SLK: variants seen among roughly 807,000 people sequenced by gnomAD.
SLK encodes STE20-like serine/threonine-protein kinase.
In SLK, 67 loss-of-function variants were observed where a neutral mutation model predicts 147.7. The ratio of observed to expected loss-of-function variants is 0.45; its 90% CI spans 0.37 to 0.56. The LOEUF is 0.56. Ranked by LOEUF, SLK falls within the 20% of genes least tolerant of loss-of-function variation. SLK has a pLI of 0.00. For missense variants in SLK, 1,136 were observed against 1,438.8 expected (o/e 0.79, Z 3.41); for synonymous variants, 441 against 475.0 (o/e 0.93, Z 0.93).
chr10:104,014,081 C>T (rs1036597273), intron 13 of SLK, among the ~76,000 whole-genome samples: 2 of 152,124 alleles, frequency 1.3e-5, no homozygotes, highest in African/African-American at 4.8e-5. Flanking sequence ...TCATGTTTCT[C>T]AAGAAAATAA....
At position 103,967,672 on chromosome 10, in the gene SLK, G is replaced by C; in HGVS notation, c.-74G>C. Reference sequence around the variant, plus strand: ...CGCCGCCAGCCGGGCTCGCGCGGGAGAGCAGGGAAGAGAAACTTTGCCTTT... The same window carrying C: ...CGCCGCCAGCCGGGCTCGCGCGGGACAGCAGGGAAGAGAAACTTTGCCTTT... On this transcript the variant is annotated 5_prime_UTR_variant, in exon 1 of 19. Coordinates refer to ENST00000369755, the MANE Select transcript of SLK (RefSeq NM_014720.4). 1.4e-6 allele frequency: 2 copies of C among 1,436,496 alleles called. No homozygotes were observed. The highest frequency in any genetic ancestry group is 2.6e-5 in the South Asian group (2 of 75,770). The allele number at this position is 1,436,496 out of a possible 1,614,324, so 89.0% of individuals were successfully genotyped here.
intron 2 of SLK, among the ~76,000 whole-genome samples, chr10:103,991,349 T>C (rs1844090658): frequency 6.6e-6 from 1 of 152,222 alleles, no homozygotes; most frequent in East Asian, 1.9e-4. Context: ...TCAGAAAATA[T>C]TAAGGTACAA....
chr10:103,970,103 A>G (rs1277036493), intron 1 of SLK, among the ~76,000 whole-genome samples: 1 of 152,192 alleles, frequency 6.6e-6, no homozygotes, highest in Admixed American at 6.5e-5. Flanking sequence ...GCTCATCCAT[A>G]AGACATCCTC....
chr10:104,005,117 A>G (rs1232097641), intron 9 of SLK, among the ~76,000 whole-genome samples: 1 of 151,926 alleles, frequency 6.6e-6, no homozygotes, highest in Non-Finnish European at 1.5e-5. Flanking sequence ...CTGTCAATTT[A>G]GTTTTTTTTT....
intron 8 of SLK, 138 bp downstream of exon 8, chr10:104,001,710 G>A (rs549628767): frequency 1.7e-5 from 15 of 886,138 alleles, no homozygotes; most frequent in Middle Eastern, 3.1e-4. Context: ...AAGGTTGCTC[G>A]TCGCTGCACA....
intron 1 of SLK, among the ~76,000 whole-genome samples, chr10:103,975,068 G>C (rs913831326): frequency 6.6e-6 from 1 of 151,544 alleles, no homozygotes; most frequent in Non-Finnish European, 1.5e-5. Context: ...CTGACTTTAA[G>C]GTGTGGGAAT....
intron 2 of SLK, 58 bp from the exon 3 acceptor site, chr10:103,992,540 A>C: frequency 1.3e-6 from 2 of 1,484,292 alleles, no homozygotes; most frequent in African/African-American, 2.8e-5. Flanking sequence ...AAAAATACTG[A>C]AACTCAAAAC....
At position 104,006,023 on chromosome 10, in the gene SLK, G is replaced by A; in HGVS notation, c.2592G>A (p.Glu864=). ...GAGAACAAATTTTCCGGCGCTTTGA[G>A]CAGGAAATGATGGTAAAGTCTGATT... ...QQREQIFRRF[E]QEMMSKKRQY... Residue 864 remains glutamate (E), a synonymous_variant, in exon 11 of 19, where the codon GAG becomes GAA. Coordinates refer to ENST00000369755, the MANE Select transcript of SLK (RefSeq NM_014720.4). 6.2e-7 allele frequency: 1 copy of A among 1,612,564 alleles called. No homozygotes were observed. Among genetic ancestry groups the A allele is most frequent in the Non-Finnish European group, 8.5e-7 (1 of 1,179,592 alleles).
chr10:103,997,217 G>T (rs1215253010), intron 4 of SLK, among the ~76,000 whole-genome samples: 1 of 152,128 alleles, frequency 6.6e-6, no homozygotes, highest in African/African-American at 2.4e-5. Context: ...TTACCATAAC[G>T]TTCTCAAGGT....
intron 1 of SLK, among the ~76,000 whole-genome samples, chr10:103,978,839 T>G (rs1419513010): frequency 6.6e-6 from 1 of 152,210 alleles, no homozygotes; most frequent in Non-Finnish European, 1.5e-5. Context: ...AAATATTAGT[T>G]AATTTGAGTG....
intron 13 of SLK, among the ~76,000 whole-genome samples, chr10:104,012,224 G>A (rs1305405536): frequency 1.3e-5 from 2 of 151,994 alleles, no homozygotes; most frequent in Non-Finnish European, 1.5e-5. Context: ...TTTAAATTTT[G>A]CTAAGTAAAG....
At chr10:104,011,080 T>C (rs940703185) in intron 13 of SLK, among the ~76,000 whole-genome samples, 172 bp downstream of exon 13, 3 of 152,198 alleles carry the variant, frequency 2.0e-5, no homozygotes, top group Admixed American at 2.0e-4. Context: ...CTACTAATGG[T>C]GACATTTAAG....
chr10:103,990,932 TATCTC>T, intron 2 of SLK, 93 bp downstream of exon 2: 3 of 657,058 alleles, frequency 4.6e-6, no homozygotes, highest in African/African-American at 1.9e-5. Flanking sequence ...TTTTATGTCT[TATCTC>T]TTCTATTTAG....
rs1486961454 is a variant in SLK at position 104,028,914 on chromosome 10, A to G, written c.*3194A>G. 1 of 152,228 alleles carries G rather than the reference A, an allele frequency of 6.6e-6. No individual in the cohort carries two copies. The highest frequency in any genetic ancestry group is 1.5e-5 in the Non-Finnish European group (1 of 68,034). The allele number at this position is 152,228 out of a possible 1,614,324, so 9.4% of individuals were successfully genotyped here. A position where few individuals can be genotyped will look rare whatever the true frequency, so the allele number is the denominator to read the frequency against. On this transcript the variant is annotated 3_prime_UTR_variant, in exon 19 of 19. Transcript: ENST00000369755. ...TCTTTTCTGAGAAATGATTTTTATA[A>G]GAAATGGGGTGATTCTTTAAATGCT...
rs1004613446 is a variant in SLK, at chr10:104,029,190, A to G, written c.*3470A>G. The G allele has an allele frequency of 3.3e-5, 5 of 152,184 alleles. No homozygotes were observed. Among genetic ancestry groups the G allele is most frequent in the East Asian group, 3.8e-4 (2 of 5,198 alleles). The allele number at this position is 152,184 out of a possible 1,614,324, so 9.4% of individuals were successfully genotyped here. On this transcript the variant is annotated 3_prime_UTR_variant, in exon 19 of 19. Transcript: ENST00000369755. ...TACTTGAGAGCAACATGTCTTTTCAATCATGGGATTGACACATGAAAAATA... is the reference window on the plus strand; with the variant it reads ...TACTTGAGAGCAACATGTCTTTTCAGTCATGGGATTGACACATGAAAAATA...
rs546780562 is a variant in SLK at position 104,000,716 on chromosome 10, A to G, written c.865-728A>G. Among the ~76,000 whole-genome samples the G allele has an allele frequency of 1.8e-3, 267 of 152,324 alleles. 1 individual carries two copies. Among genetic ancestry groups the G allele is most frequent in the Non-Finnish European group, 3.3e-3 (226 of 68,030 alleles). Reference sequence around the variant, plus strand: ...TTCTAACAGAATTCTAAAGCTTTTTATAATTTTGAGGCTTTGATAGGGTTT... The same window carrying G: ...TTCTAACAGAATTCTAAAGCTTTTTGTAATTTTGAGGCTTTGATAGGGTTT... On this transcript the variant is annotated intron_variant, in intron 7 of 18. Transcript: ENST00000369755.
chr10:103,997,200 A>G (rs1030874168), intron 4 of SLK, among the ~76,000 whole-genome samples: 4 of 152,180 alleles, frequency 2.6e-5, no homozygotes, highest in East Asian at 1.9e-4. Flanking sequence ...TGACTGGCGT[A>G]TTTTACTTAC....
intron 12 of SLK, among the ~76,000 whole-genome samples, chr10:104,008,824 T>C (rs1488438789): frequency 1.3e-5 from 2 of 152,240 alleles, no homozygotes; most frequent in Non-Finnish European, 2.9e-5. Context: ...CTTTAATTCA[T>C]ACTTTTAACG....
intron 4 of SLK, among the ~76,000 whole-genome samples, chr10:103,993,357 G>A (rs898180374): frequency 7.9e-5 from 12 of 151,990 alleles, no homozygotes; most frequent in Non-Finnish European, 4.4e-5. Context: ...AAGAAAGAAT[G>A]AATTTTTATT....
Sources: allele counts gnomAD v4.1 joint callset (sites outside exome capture counted in the v4.1 genomes callset), GRCh38; gene constraint gnomAD v4.1.1; transcripts MANE v1.5; gene names NCBI Gene and HGNC (gene_info 2026-07-23, HGNC 2026-07-21).